SDC2: variants seen among roughly 807,000 people sequenced by gnomAD.
SDC2 encodes the protein syndecan 2, also known as syndecan-2.
A neutral mutation model predicts 22.2 loss-of-function variants in SDC2; 13 were observed. The observed-to-expected ratio is 0.59, with a 90% CI of 0.38 to 0.93. The LOEUF is 0.93. Ranked by LOEUF, SDC2 falls within the 40% of genes least tolerant of loss-of-function variation. The pLI, the probability that SDC2 is intolerant of heterozygous loss-of-function variation, is 0.00. For synonymous variants in SDC2, 94 were observed against 92.8 expected (o/e 1.01, Z -0.07); for missense variants, 235 against 246.8 (o/e 0.95, Z 0.32).
chr8:96,583,759 GAAA>G (rs57029385), intron 1 of SDC2, among the ~76,000 whole-genome samples: 1 of 150,338 alleles, frequency 6.7e-6, no homozygotes, highest in Non-Finnish European at 1.5e-5. Context: ...TGTAATATTA[GAAA>G]AAAATTAATG....
At chr8:96,565,067 A>C (rs1362591921) in intron 1 of SDC2, among the ~76,000 whole-genome samples, 1 of 68,350 alleles carries the variant, frequency 1.5e-5, no homozygotes, top group East Asian at 2.8e-4. Flanking sequence ...CTGATCACTG[A>C]GACCATCCTA....
At chr8:96,599,186 C>T (rs767338761) in intron 2 of SDC2, among the ~76,000 whole-genome samples, 10 of 152,050 alleles carry the variant, frequency 6.6e-5, no homozygotes, top group Admixed American at 1.3e-4. Flanking sequence ...CGTGACCCAC[C>T]GGCCTCGGCC....
chr8:96,601,676 C>G (rs1814989511), intron 2 of SDC2, among the ~76,000 whole-genome samples: 1 of 151,076 alleles, frequency 6.6e-6, no homozygotes, highest in South Asian at 2.1e-4. Flanking sequence ...AAACAAAAAC[C>G]CGGGAGAGAG....
At chr8:96,533,092 G>T (rs1033069152) in intron 1 of SDC2, among the ~76,000 whole-genome samples, 1 of 152,152 alleles carries the variant, frequency 6.6e-6, no homozygotes, top group African/African-American at 2.4e-5. Flanking sequence ...GTGGGTGCTT[G>T]GTCTCGCTGG....
At chr8:96,592,911 T>C (rs116575078) in intron 1 of SDC2, among the ~76,000 whole-genome samples, 3,705 of 152,346 alleles carry the variant, frequency 0.024, 148 homozygotes, top group African/African-American at 0.085. Flanking sequence ...AGCACAGGTC[T>C]GGGCTGGGGT....
chr8:96,511,001 C>T (rs1283082378), intron 1 of SDC2, among the ~76,000 whole-genome samples: 8 of 152,080 alleles, frequency 5.3e-5, no homozygotes, highest in Admixed American at 1.3e-4. Flanking sequence ...CAGTGGTTCT[C>T]GAAGTAGGGA....
At chr8:96,566,694 TATTTTATTATTATTA>T (rs1415308549) in intron 1 of SDC2, among the ~76,000 whole-genome samples, 1 of 150,648 alleles carries the variant, frequency 6.6e-6, no homozygotes, top group East Asian at 1.9e-4. Flanking sequence ...TTTTTATATT[TATTTTATTATTATTA>T]ATTTTTTGTT....
At chr8:96,608,269 C>A in intron 3 of SDC2, 66 bp from the exon 4 acceptor site, 1 of 1,519,718 alleles carries the variant, frequency 6.6e-7, no homozygotes, top group East Asian at 2.3e-5. Flanking sequence ...ATATACTCAT[C>A]TATTATTTCT....
chr8:96,576,489 G>A (rs1586309810), intron 1 of SDC2, among the ~76,000 whole-genome samples: 1 of 93,018 alleles, frequency 1.1e-5, no homozygotes, highest in African/African-American at 3.5e-5. Flanking sequence ...GCGGGACCTC[G>A]GCTCACTGCA....
intron 1 of SDC2, among the ~76,000 whole-genome samples, chr8:96,539,954 A>G (rs572440279): frequency 6.6e-6 from 1 of 152,172 alleles, no homozygotes; most frequent in African/African-American, 2.4e-5. Flanking sequence ...GCAGGGTCTC[A>G]CTGTCACCCA....
In SDC2 at chr8:96,593,587, C is replaced by G. The variant is rs1367237023; in HGVS notation, c.168C>G (p.Gly56=). ...ACGATGACTACGCTTCTGCGTCTGG[C>G]TCGGGTAAGGTGGCTGCTTCTAAAC... ...IDDDDYASAS[G]SGADEDVESP... Residue 56 remains glycine, a synonymous_variant, in exon 2 of 5, where the codon GGC becomes GGG. Transcript: ENST00000302190. The G allele has an allele frequency of 1.9e-6, 3 of 1,606,070 alleles. No individual in the cohort carries two copies. The East Asian group carries it at 6.7e-5, about 36-fold the overall frequency.
In SDC2 at chr8:96,611,469, C is replaced by T. The variant is rs995043163; in HGVS notation, c.*1921C>T. On this transcript the variant is annotated 3_prime_UTR_variant, in exon 5 of 5. Coordinates refer to ENST00000302190, the MANE Select transcript of SDC2 (RefSeq NM_002998.4). ...CTTGGAACAGTGTTTACTTTAAATC[C>T]TTAATGGCCTTAATTAATTCTCAGA... 3 of 152,470 alleles carry T rather than the reference C, an allele frequency of 2.0e-5. No homozygotes were observed. Among genetic ancestry groups the T allele is most frequent in the African/African-American group, 7.2e-5 (3 of 41,390 alleles). 9.4% of individuals were successfully genotyped at this position (152,470 alleles called of 1,614,324 possible).
Position 96,610,247 on chromosome 8 carries a change from C to G in SDC2, c.*699C>G, listed in dbSNP as rs764692169. The G allele has an allele frequency of 2.0e-5, 3 of 152,580 alleles. No homozygotes were observed. Among genetic ancestry groups the G allele is most frequent in the Non-Finnish European group, 4.4e-5 (3 of 68,030 alleles). 9.5% of individuals were successfully genotyped at this position (152,580 alleles called of 1,614,324 possible). A position where few individuals can be genotyped will look rare whatever the true frequency, so the allele number is the denominator to read the frequency against. On this transcript the variant is annotated 3_prime_UTR_variant, in exon 5 of 5. Transcript: ENST00000302190. ...AGTCATATCTATCTAATCAGATCTT[C>G]TTTTGGGAGGATTTGATGTAAGTTA...
chr8:96,514,946 T>C (rs114407033), intron 1 of SDC2, among the ~76,000 whole-genome samples: 214 of 152,258 alleles, frequency 1.4e-3, no homozygotes, highest in African/African-American at 4.3e-3. Context: ...TCATGAACCA[T>C]TTGTCTCCCT....
intron 1 of SDC2, among the ~76,000 whole-genome samples, chr8:96,499,077 A>AC (rs1458424810): frequency 1.3e-5 from 2 of 151,950 alleles, no homozygotes; most frequent in Non-Finnish European, 1.5e-5. Flanking sequence ...CTTTCTGGTT[A>AC]CCCCCTTGAT....
At chr8:96,609,193 A>G (rs1815135212) in intron 4 of SDC2, among the ~76,000 whole-genome samples, 192 bp from the exon 5 acceptor site, 1 of 152,180 alleles carries the variant, frequency 6.6e-6, no homozygotes, top group Non-Finnish European at 1.5e-5. Context: ...AACCAAAGAA[A>G]TTACTGTACC....
At chr8:96,595,036 T>G (rs1437385672) in intron 2 of SDC2, among the ~76,000 whole-genome samples, 1 of 152,170 alleles carries the variant, frequency 6.6e-6, no homozygotes, top group Non-Finnish European at 1.5e-5. Flanking sequence ...CCAAACCATA[T>G]CAACCCCCAA....
At chr8:96,557,808 T>C (rs1586298776) in intron 1 of SDC2, among the ~76,000 whole-genome samples, 1 of 152,184 alleles carries the variant, frequency 6.6e-6, no homozygotes, top group Admixed American at 6.6e-5. Context: ...CACTTCTTGC[T>C]GAACAGTATT....
chr8:96,495,729 G>C (rs1160474846), intron 1 of SDC2, among the ~76,000 whole-genome samples: 1 of 152,098 alleles, frequency 6.6e-6, no homozygotes, highest in Non-Finnish European at 1.5e-5. Flanking sequence ...TTGGCATCGA[G>C]CGGCAGATGG....
Sources: gnomAD v4.1 joint callset for allele counts (sites outside exome capture counted in the v4.1 genomes callset) on GRCh38, gnomAD v4.1.1 for gene constraint, MANE v1.5 for transcripts, NCBI Gene and HGNC (gene_info 2026-07-23, HGNC 2026-07-21) for gene names.